LHFPL6: variants seen among roughly 807,000 people sequenced by gnomAD.
LHFPL6 encodes LHFPL tetraspan subfamily member 6, also known as LHFPL tetraspan subfamily member 6 protein.
In LHFPL6, 9 loss-of-function variants were observed where a neutral mutation model predicts 20.6. The ratio of observed to expected loss-of-function variants is 0.44; its 90% CI spans 0.26 to 0.76. LHFPL6 has a LOEUF of 0.76. Ranked by LOEUF, LHFPL6 falls within the 30% of genes least tolerant of loss-of-function variation. The pLI is 0.20. For missense variants in LHFPL6, 218 were observed against 253.5 expected (o/e 0.86, Z 0.95); for synonymous variants, 105 against 98.7 (o/e 1.06, Z -0.38).
intron 2 of LHFPL6, among the ~76,000 whole-genome samples, chr13:39,422,165 A>G (rs1182699097): frequency 1.3e-5 from 2 of 152,232 alleles, no homozygotes; most frequent in Non-Finnish European, 2.9e-5. Flanking sequence ...CCTGGGAGCA[A>G]GTACCAGGAA....
At chr13:39,458,693 TAAAAA>T (rs60626867) in intron 2 of LHFPL6, among the ~76,000 whole-genome samples, 1 of 97,660 alleles carries the variant, frequency 1.0e-5, no homozygotes, top group Non-Finnish European at 2.3e-5. Context: ...ATACCCTGCC[TAAAAA>T]AAAAAAAAAA....
intron 3 of LHFPL6, among the ~76,000 whole-genome samples, chr13:39,358,562 G>A (rs1405051057): frequency 6.6e-6 from 1 of 150,380 alleles, no homozygotes; most frequent in Non-Finnish European, 1.5e-5. Context: ...AACTAAAGAG[G>A]TTTTGCATAA....
chr13:39,516,397 A>C (rs975586735), intron 2 of LHFPL6, among the ~76,000 whole-genome samples: 5 of 152,216 alleles, frequency 3.3e-5, no homozygotes, highest in African/African-American at 1.2e-4. Context: ...CCCTGGCTTG[A>C]TTTTGCTGTC....
rs1356699596 is a variant in LHFPL6 at position 39,601,345 on chromosome 13, T to C, written c.-129A>G. The C allele has an allele frequency of 1.3e-5, 11 of 865,078 alleles. No individual in the cohort carries two copies. Among genetic ancestry groups the C allele is most frequent in the Non-Finnish European group, 1.9e-5 (11 of 592,474 alleles). 53.6% of individuals were successfully genotyped at this position (865,078 alleles called of 1,614,324 possible). ...CGTAATGCAGAATGGATCTTCAGTCTTACTGGGCATCAACTTTCCATCCTC... is the reference window on the plus strand; with the variant it reads ...CGTAATGCAGAATGGATCTTCAGTCCTACTGGGCATCAACTTTCCATCCTC... On this transcript the variant is annotated 5_prime_UTR_variant, in exon 2 of 4. Coordinates refer to ENST00000379589, the MANE Select transcript of LHFPL6 (RefSeq NM_005780.3).
intron 2 of LHFPL6, among the ~76,000 whole-genome samples, chr13:39,509,323 A>G (rs1299816574): frequency 6.6e-6 from 1 of 151,972 alleles, no homozygotes; most frequent in Non-Finnish European, 1.5e-5. Flanking sequence ...TCTTTTATCC[A>G]TCACACCTTT....
intron 2 of LHFPL6, among the ~76,000 whole-genome samples, chr13:39,432,325 C>T (rs1265620832): frequency 2.0e-5 from 3 of 152,210 alleles, no homozygotes; most frequent in Non-Finnish European, 4.4e-5. Flanking sequence ...GATCACTTTA[C>T]ACTGTGCTCA....
chr13:39,517,411 A>G (rs1478042273), intron 2 of LHFPL6, among the ~76,000 whole-genome samples: 2 of 152,214 alleles, frequency 1.3e-5, no homozygotes, highest in Non-Finnish European at 2.9e-5. Context: ...CTGGTTTTAC[A>G]AATAGGTACA....
At chr13:39,582,605 G>T (rs548576944) in intron 2 of LHFPL6, among the ~76,000 whole-genome samples, 1 of 152,296 alleles carries the variant, frequency 6.6e-6, no homozygotes, top group East Asian at 1.9e-4. Flanking sequence ...CCTTTTGTGG[G>T]GGTGTGGTTT....
chr13:39,563,132 A>T (rs1871598722), intron 2 of LHFPL6, among the ~76,000 whole-genome samples: 1 of 135,566 alleles, frequency 7.4e-6, no homozygotes, highest in African/African-American at 3.1e-5. Flanking sequence ...ACACACACAC[A>T]CACACACAGC....
Position 39,590,949 on chromosome 13 carries a change from G to A in LHFPL6, c.385+9883C>T, listed in dbSNP as rs185487906. The stretch of plus-strand genomic sequence containing the variant: ...GCTGTGTTTGCTGGTGAAACTAAGG[G>A]AAGTAAGTTAAAAATCAAACAACTC... On this transcript the variant is annotated intron_variant, in intron 2 of 3. Transcript: ENST00000379589. Among the ~76,000 whole-genome samples, 5 of 152,260 alleles carry A rather than the reference G, an allele frequency of 3.3e-5. No individual in the cohort carries two copies. The East Asian group carries it at 9.6e-4, about 29-fold the overall frequency.
intron 2 of LHFPL6, among the ~76,000 whole-genome samples, chr13:39,461,646 T>C (rs1404598890): frequency 6.6e-6 from 1 of 152,056 alleles, no homozygotes; most frequent in African/African-American, 2.4e-5. Flanking sequence ...ATGCTAAGGC[T>C]AGTCTATGCC....
At chr13:39,477,614 C>A (rs572956594) in intron 2 of LHFPL6, among the ~76,000 whole-genome samples, 1 of 152,284 alleles carries the variant, frequency 6.6e-6, no homozygotes, top group South Asian at 2.1e-4. Context: ...TGCGAGAATT[C>A]ATCCTTCGAT....
chr13:39,445,933 G>C (rs1471632669), intron 2 of LHFPL6, among the ~76,000 whole-genome samples: 2 of 152,072 alleles, frequency 1.3e-5, no homozygotes, highest in Non-Finnish European at 2.9e-5. Context: ...TTCATAATTA[G>C]CATCACATTT....
rs1869293152 is a variant in LHFPL6, at chr13:39,343,188, CTCTAAAGGTCTGCA to C, written c.*734_*747del. 4.8e-6 allele frequency: 1 copy of C among 209,604 alleles called. No individual in the cohort carries two copies. The highest frequency in any genetic ancestry group is 5.9e-5 in the Admixed American group (1 of 16,958). The allele number at this position is 209,604 out of a possible 1,614,324, so 13.0% of individuals were successfully genotyped here. ...ATAACATGGAAATACAAAGGCTTAA[CTCTAAAGGTCTGCA>C]TAAACACTGAAAATATGTTGAGGAA... On this transcript the variant is annotated 3_prime_UTR_variant, in exon 4 of 4. Coordinates refer to ENST00000379589, the MANE Select transcript of LHFPL6 (RefSeq NM_005780.3).
chr13:39,348,993 A>G (rs1326264760), intron 3 of LHFPL6, among the ~76,000 whole-genome samples: 1 of 152,236 alleles, frequency 6.6e-6, no homozygotes, highest in Non-Finnish European at 1.5e-5. Context: ...GTAACATAAT[A>G]GCAGAAAATG....
At chr13:39,570,615 TAATC>T (rs1593368303) in intron 2 of LHFPL6, among the ~76,000 whole-genome samples, 1 of 151,202 alleles carries the variant, frequency 6.6e-6, no homozygotes, top group Admixed American at 6.7e-5. Context: ...TATAGAATGA[TAATC>T]AAAGAACTAA....
At chr13:39,540,664 T>C (rs1372027894) in intron 2 of LHFPL6, among the ~76,000 whole-genome samples, 3 of 152,182 alleles carry the variant, frequency 2.0e-5, no homozygotes, top group Non-Finnish European at 4.4e-5. Flanking sequence ...AATTATAAAA[T>C]AGTCTTATGC....
At chr13:39,518,434 A>G (rs1048115375) in intron 2 of LHFPL6, among the ~76,000 whole-genome samples, 1 of 152,164 alleles carries the variant, frequency 6.6e-6, no homozygotes, top group Non-Finnish European at 1.5e-5. Context: ...AACACCTTAT[A>G]TTTTTTAATC....
chr13:39,530,354 G>A (rs527483631), intron 2 of LHFPL6, among the ~76,000 whole-genome samples: 23 of 152,066 alleles, frequency 1.5e-4, no homozygotes, highest in Non-Finnish European at 2.8e-4. Flanking sequence ...AACAGAGTGC[G>A]GAGGGGAGTA....
Sources: gnomAD v4.1 joint callset for allele counts (sites outside exome capture counted in the v4.1 genomes callset) on GRCh38, gnomAD v4.1.1 for gene constraint, MANE v1.5 for transcripts, NCBI Gene and HGNC (gene_info 2026-07-23, HGNC 2026-07-21) for gene names.